ESPL1: variants seen among roughly 807,000 people sequenced by gnomAD.
ESPL1 encodes extra spindle pole bodies like 1, separase.
A neutral mutation model predicts 217.2 loss-of-function variants in ESPL1; 50 were observed. That is an observed-to-expected ratio of 0.23 (90% CI 0.18 to 0.29). The LOEUF is 0.29. Ranked by LOEUF, ESPL1 falls within the 10% of genes least tolerant of loss-of-function variation. The probability of loss-of-function intolerance (pLI) is 1.00; values close to 1 mark genes in which losing one functional copy is unlikely to be tolerated. For synonymous variants in ESPL1, 994 were observed against 1,081.3 expected (o/e 0.92, Z 1.58); for missense variants, 1,834 against 2,603.0 (o/e 0.70, Z 6.43).
chr12:53,270,227 C>T, intron 3 of ESPL1, 142 bp downstream of exon 3: 1 of 957,510 alleles, frequency 1.0e-6, no homozygotes, highest in East Asian at 2.4e-5. Context: ...CAGCAAACAG[C>T]CTAGTCTATC....
intron 8 of ESPL1, 66 bp from the exon 9 acceptor site, chr12:53,277,017 C>T: frequency 6.3e-7 from 1 of 1,579,214 alleles, no homozygotes; most frequent in Non-Finnish European, 8.6e-7. Flanking sequence ...CTGCAGCTAG[C>T]CCTTCCCAGG....
intron 12 of ESPL1, 81 bp downstream of exon 12, chr12:53,279,947 A>C: frequency 4.2e-6 from 6 of 1,441,310 alleles, no homozygotes; most frequent in African/African-American, 1.4e-5. Flanking sequence ...ACAGGATATC[A>C]AAGGGGCAGC....
rs1254263847 is a variant in ESPL1, at chr12:53,289,218, C to T, written c.4837C>T (p.Pro1613Ser). 1 of 1,613,730 alleles carries T rather than the reference C, an allele frequency of 6.2e-7. No individual in the cohort carries two copies. Among genetic ancestry groups the T allele is most frequent in the East Asian group, 2.2e-5 (1 of 44,888 alleles). ...FLALCLGHRD[P>S]YATAFLVTES... is the part of the protein sequence containing the mutation. ...GGCCTTGTGCCTGGGCCACCGGGAT[C>T]CTTATGCCACTGCTTTCCTTGTCAC... Residue 1613 changes from proline to serine, a missense_variant, in exon 21 of 31, where the codon CCT becomes TCT. Around this residue, in one of 5 missense-constraint regions of ESPL1, gnomAD observed 681 missense variants for 808.0 expected, o/e 0.84. Transcript: ENST00000257934.
chr12:53,281,200 C>T (rs113227842), intron 12 of ESPL1, among the ~76,000 whole-genome samples: 2,425 of 140,328 alleles, frequency 0.017, 78 homozygotes, highest in African/African-American at 0.062. Context: ...TGCAGTGGCG[C>T]GATCTCCATT....
At position 53,279,788 on chromosome 12, in the gene ESPL1, G is replaced by A. The variant is rs756574223; in HGVS notation, c.2421G>A (p.Lys807=). ...TACGGATTGTCTCTGAGAGACTGAA[G>A]GACCACTCGAAGGCAGCTGGCTCCT... ...LLLRIVSERL[K]DHSKAAGSSC... The change falls in exon 12 of 31, where the codon AAG becomes AAA. Residue 807 remains lysine (K), a synonymous_variant. Transcript: ENST00000257934. 6.8e-6 allele frequency: 11 copies of A among 1,613,766 alleles called. No homozygotes were observed. In the African/African-American group the frequency reaches 1.1e-4, roughly 16 times the overall value.
In ESPL1 at chr12:53,276,643, G is replaced by A. The variant is rs1251075355; in HGVS notation, c.1724G>A (p.Gly575Asp). 6.2e-7 allele frequency: 1 copy of A among 1,611,866 alleles called. No individual in the cohort carries two copies. The highest frequency in any genetic ancestry group is 1.7e-5 in the Admixed American group (1 of 59,894). ...QLKTLRDSLS[G>D]WDPETLALLL... is the part of the protein sequence containing the mutation. Reference sequence around the variant, plus strand: ...AGGACTCTGCGAGACAGCCTCAGTGGCTGGGACCCGGAGACCCTGGCCCTC... The same window carrying A: ...AGGACTCTGCGAGACAGCCTCAGTGACTGGGACCCGGAGACCCTGGCCCTC... Residue 575 changes from glycine (G) to aspartate (D), a missense_variant, in exon 8 of 31, where the codon GGC (glycine) becomes GAC (aspartate). By Grantham distance (94) the Gly-to-Asp change is moderately conservative. Transcript: ENST00000257934.
intron 7 of ESPL1, among the ~76,000 whole-genome samples, chr12:53,276,349 G>A (rs1943765317): frequency 6.6e-6 from 1 of 152,190 alleles, no homozygotes; most frequent in South Asian, 2.1e-4. Flanking sequence ...TATAGGATGG[G>A]GAACCATATG....
At position 53,289,186 on chromosome 12, in the gene ESPL1, G is replaced by A. The variant is rs762238398; in HGVS notation, c.4805G>A (p.Arg1602His). Residue 1602 changes from arginine (R) to histidine (H), a missense_variant, in exon 21 of 31, where the codon CGC becomes CAC. Physicochemically the swap from Arg to His is conservative, Grantham distance 29. This residue lies in a region of ESPL1 where 681 missense variants were observed against 808.0 expected (regional missense o/e 0.84). Coordinates refer to ENST00000257934, the MANE Select transcript of ESPL1 (RefSeq NM_012291.5). Reference sequence around the variant, plus strand: ...AGTGGGCTCTATGCCCACCTCTGCCGCTTCCTGGCCTTGTGCCTGGGCCAC... The same window carrying A: ...AGTGGGCTCTATGCCCACCTCTGCCACTTCCTGGCCTTGTGCCTGGGCCAC... Reference protein sequence around the residue: ...PPSGLYAHLCRFLALCLGHRD... With the variant: ...PPSGLYAHLCHFLALCLGHRD... 2.0e-5 allele frequency: 33 copies of A among 1,613,976 alleles called. No homozygotes were observed. The highest frequency in any genetic ancestry group is 1.6e-4 in the African/African-American group (12 of 74,912).
At position 53,269,025 on chromosome 12, in the gene ESPL1, A is replaced by G. The variant is rs1342461164; in HGVS notation, c.83A>G (p.Glu28Gly). The G allele has an allele frequency of 9.3e-6, 15 of 1,609,138 alleles. No individual in the cohort carries two copies. Among genetic ancestry groups the G allele is most frequent in the African/African-American group, 1.3e-5 (1 of 74,796 alleles). ...EAEELLPALK[E>G]FLSNPPAGFP... Reference sequence around the variant, plus strand: ...ATTCATATCTTTCTCTACTCCTAGGAGTTCCTGTCCAACCCTCCAGCTGGT... The same window carrying G: ...ATTCATATCTTTCTCTACTCCTAGGGGTTCCTGTCCAACCCTCCAGCTGGT... The change falls in exon 3 of 31, where the codon GAG becomes GGG. Residue 28 changes from glutamate to glycine, a missense_variant and splice_region_variant. This residue lies in a region of ESPL1 where 746 missense variants were observed against 1,077.0 expected (regional missense o/e 0.69). Transcript: ENST00000257934. This position sits in a 1 kb window ranked among gnomAD's most constrained non-coding sequence, Gnocchi z 6.7.
intron 6 of ESPL1, among the ~76,000 whole-genome samples, chr12:53,273,500 T>TA (rs1232998388): frequency 1.3e-5 from 2 of 151,374 alleles, no homozygotes; most frequent in Admixed American, 1.3e-4. Flanking sequence ...GGCTCACGCC[T>TA]ATAATTCCAG....
intron 5 of ESPL1, among the ~76,000 whole-genome samples, chr12:53,271,037 A>T (rs752117952): frequency 6.6e-6 from 1 of 151,862 alleles, no homozygotes; most frequent in Non-Finnish European, 1.5e-5. Context: ...TGGCATTAAC[A>T]GTTGCACCTA....
Position 53,269,508 on chromosome 12 carries a change from A to G in ESPL1, c.566A>G (p.His189Arg). 1 of 1,614,170 alleles carries G rather than the reference A, an allele frequency of 6.2e-7. No homozygotes were observed. The highest frequency in any genetic ancestry group is 1.1e-5 in the South Asian group (1 of 91,084). The change falls in exon 3 of 31, where the codon CAC becomes CGC. Residue 189 changes from histidine to arginine, a missense_variant. His to Arg is a conservative substitution (Grantham distance 29). This residue lies in a region of ESPL1 where 746 missense variants were observed against 1,077.0 expected (regional missense o/e 0.69). Transcript: ENST00000257934. The surrounding 1 kb of genome is among the most constrained non-coding windows in gnomAD (Gnocchi z 6.7). The part of the protein sequence containing the change: ...EDESTPCEVP[H>R]FASPTACRAV... The stretch of plus-strand genomic sequence containing the variant: ...GAAAGTACCCCTTGTGAGGTTCCTC[A>G]CTTTGCTTCTCCAACAGCCTGTCGA...
chr12:53,281,640 T>C lies in ESPL1; in HGVS notation c.2619+14T>C. 6.2e-7 allele frequency: 1 copy of C among 1,608,676 alleles called. No individual in the cohort carries two copies. The highest frequency in any genetic ancestry group is 1.1e-5 in the South Asian group (1 of 90,060). On this transcript the variant is annotated intron_variant, in intron 13 of 30. Transcript: ENST00000257934. ...ACTCACCAGAAGGTATTTCTCACTT[T>C]CTTAAACTCCGAAGGCCCTGGGTAT...
Position 53,269,376 on chromosome 12 carries a change from G to A in ESPL1, c.434G>A (p.Arg145Gln). Reference protein sequence around the residue: ...AAPQDYEAVARGSFSLLWKGA... With the variant: ...AAPQDYEAVAQGSFSLLWKGA... Reference sequence around the variant, plus strand: ...CCCCAGGACTATGAGGCCGTGGCTCGGGGCAGCTTTTCTCTGCTTTGGAAG... The same window carrying A: ...CCCCAGGACTATGAGGCCGTGGCTCAGGGCAGCTTTTCTCTGCTTTGGAAG... The change falls in exon 3 of 31, where the codon CGG becomes CAG. Residue 145 changes from arginine (R) to glutamine (Q), a missense_variant. Physicochemically the swap from Arg to Gln is conservative, Grantham distance 43. This residue lies in a region of ESPL1 where 746 missense variants were observed against 1,077.0 expected (regional missense o/e 0.69). Transcript: ENST00000257934. This position sits in a 1 kb window ranked among gnomAD's most constrained non-coding sequence, Gnocchi z 6.7. The A allele has an allele frequency of 1.2e-6, 2 of 1,613,954 alleles. No individual in the cohort carries two copies. The highest frequency in any genetic ancestry group is 2.2e-5 in the South Asian group (2 of 91,088).
rs1322235020 is a variant in ESPL1 at position 53,290,086 on chromosome 12, G to A, written c.5115G>A (p.Gly1705=). The A allele has an allele frequency of 9.9e-6, 16 of 1,612,270 alleles. No homozygotes were observed. In the Admixed American group the frequency reaches 2.7e-4, roughly 27 times the overall value. The part of the protein sequence containing the change: ...FQERLALIPS[G]VTVCVLALAT... ...GTCTGGCTGTATCCTGTGTGTCAGG[G>A]GTGACTGTGTGTGTGTTGGCCCTGG... The change falls in exon 23 of 31, where the codon GGG becomes GGA. Residue 1705 remains glycine (G), a splice_region_variant and synonymous_variant. Transcript: ENST00000257934.
rs771531821 is a variant in ESPL1 at position 53,290,418 on chromosome 12, T to C, written c.5313T>C (p.Thr1771=). Residue 1771 remains threonine (T), a synonymous_variant, in exon 24 of 31, where the codon ACT becomes ACC. Transcript: ENST00000257934. ...CACAGAAAGAGAACAGCAGCTGTAC[T>C]GACAAGCGAGAATGGTGGACAGGGC... ...QKAQKENSSC[T]DKREWWTGRL... The C allele has an allele frequency of 7.4e-6, 12 of 1,613,336 alleles. No individual in the cohort carries two copies. The South Asian group carries it at 1.2e-4, about 16-fold the overall frequency.
rs368835408 is a variant in ESPL1, at chr12:53,292,537, G to A, written c.5913-37G>A. On this transcript the variant is annotated intron_variant, in intron 28 of 30. Transcript: ENST00000257934. The surrounding 1 kb of genome is among the most constrained non-coding windows in gnomAD (Gnocchi z 4.5). The stretch of plus-strand genomic sequence containing the variant: ...GTCTTTGCCACCTGACCCCTGCCAT[G>A]CATTTCCCTATTCTCACACCTGCCT... 132 of 1,562,830 alleles carry A rather than the reference G, an allele frequency of 8.4e-5. No individual in the cohort carries two copies. The highest frequency in any genetic ancestry group is 1.0e-4 in the Non-Finnish European group (115 of 1,136,000).
In ESPL1 at chr12:53,279,735, A is replaced by C. The variant is rs758985751; in HGVS notation, c.2368A>C (p.Met790Leu). Residue 790 changes from methionine (M) to leucine (L), a missense_variant, in exon 12 of 31, where the codon ATG becomes CTG. Transcript: ENST00000257934. ...CTTGGCTGCTTCTGCTGACCAGCCC[A>C]TGCAGGCTCTGGAGGTCCTCCTGCT... Reference protein sequence around the residue: ...AALYQLVAKPMQALEVLLLLR... With the variant: ...AALYQLVAKPLQALEVLLLLR... The C allele has an allele frequency of 6.2e-7, 1 of 1,614,098 alleles. No individual in the cohort carries two copies. Among genetic ancestry groups the C allele is most frequent in the East Asian group, 2.2e-5 (1 of 44,886 alleles).
chr12:53,288,596 G>A lies in ESPL1; in HGVS notation c.4605G>A (p.Arg1535=). 3 of 1,613,828 alleles carry A rather than the reference G, an allele frequency of 1.9e-6. No individual in the cohort carries two copies. Among genetic ancestry groups the A allele is most frequent in the Non-Finnish European group, 2.5e-6 (3 of 1,179,998 alleles). Residue 1535 remains arginine (R), a synonymous_variant, in exon 20 of 31, where the codon AGG becomes AGA. Transcript: ENST00000257934. ...EAASGEWELL[R]LDSSKKKLPS... ...CTTCTGGAGAATGGGAGCTGCTGAG[G>A]CTGGATTCCAGCAAGAAGAAGCTGC...
Sources: gnomAD v4.1 joint callset for allele counts (sites outside exome capture counted in the v4.1 genomes callset) on GRCh38, gnomAD v4.1.1 for gene constraint, gnomAD v4.1.1 regional missense constraint, Gnocchi (gnomAD v3.1) non-coding constraint, MANE v1.5 for transcripts, NCBI Gene and HGNC (gene_info 2026-07-23, HGNC 2026-07-21) for gene names.